FBXL17: variants seen among roughly 807,000 people sequenced by gnomAD.
FBXL17 encodes F-box/LRR-repeat protein 17.
FBXL17 carries 22 observed loss-of-function variants against 66.2 expected under a neutral mutation model. That is an observed-to-expected ratio of 0.33 (90% CI 0.24 to 0.47). The LOEUF (loss-of-function observed/expected upper bound fraction) is 0.47. Ranked by LOEUF, FBXL17 falls within the 20% of genes least tolerant of loss-of-function variation. The probability of loss-of-function intolerance (pLI) is 1.00; values close to 1 mark genes in which losing one functional copy is unlikely to be tolerated. For missense variants in FBXL17, 878 were observed against 948.2 expected (o/e 0.93, Z 0.97); for synonymous variants, 474 against 400.5 (o/e 1.18, Z -2.19).
intron 6 of FBXL17, among the ~76,000 whole-genome samples, chr5:108,037,844 C>A (rs897314007): frequency 3.9e-5 from 6 of 152,166 alleles, no homozygotes; most frequent in African/African-American, 1.4e-4. Context: ...TATCTCTAGA[C>A]ATTATGTGCC....
chr5:108,075,103 T>C (rs286792), intron 6 of FBXL17, among the ~76,000 whole-genome samples: 6,808 of 152,134 alleles, frequency 0.045, 523 homozygotes, highest in African/African-American at 0.15. Context: ...GCTGTGCATG[T>C]TTTTCACATG....
chr5:108,283,623 C>G (rs1757786362), intron 4 of FBXL17, among the ~76,000 whole-genome samples: 1 of 151,684 alleles, frequency 6.6e-6, no homozygotes, highest in Non-Finnish European at 1.5e-5. Context: ...TTGATCTAGG[C>G]AAAGAGTTTA....
chr5:108,077,870 G>C (rs1748615948), intron 6 of FBXL17, among the ~76,000 whole-genome samples: 1 of 152,002 alleles, frequency 6.6e-6, no homozygotes, highest in Non-Finnish European at 1.5e-5. Context: ...TTAAAACTGT[G>C]CTTTTCTTAA....
At chr5:108,081,674 G>A (rs1012954867) in intron 6 of FBXL17, among the ~76,000 whole-genome samples, 1 of 152,100 alleles carries the variant, frequency 6.6e-6, no homozygotes, top group Non-Finnish European at 1.5e-5. Context: ...AGTGAGCCGA[G>A]ATCGTGCCAC....
At chr5:107,953,980 T>A (rs1751582031) in intron 7 of FBXL17, among the ~76,000 whole-genome samples, 1 of 152,254 alleles carries the variant, frequency 6.6e-6, no homozygotes, top group African/African-American at 2.4e-5. Context: ...TAAATTGTTT[T>A]GTATTTCTCA....
chr5:108,039,963 T>C (rs1196206426), intron 6 of FBXL17, among the ~76,000 whole-genome samples: 3 of 152,120 alleles, frequency 2.0e-5, no homozygotes, highest in African/African-American at 7.2e-5. Context: ...ATAGTAAAAA[T>C]GTTGAAGCAC....
intron 7 of FBXL17, among the ~76,000 whole-genome samples, chr5:107,945,110 G>T (rs543240198): frequency 1.3e-5 from 2 of 152,004 alleles, no homozygotes; most frequent in African/African-American, 4.8e-5. Context: ...GATATGAATG[G>T]ACAATCTAAA....
chr5:107,885,962 T>G (rs1467831748), intron 7 of FBXL17, among the ~76,000 whole-genome samples: 3 of 149,780 alleles, frequency 2.0e-5, no homozygotes, highest in Non-Finnish European at 4.4e-5. Context: ...AAAAAAAATG[T>G]GTAAGAATCT....
chr5:108,276,843 T>A (rs1757501898), intron 4 of FBXL17, among the ~76,000 whole-genome samples: 1 of 152,116 alleles, frequency 6.6e-6, no homozygotes, highest in Non-Finnish European at 1.5e-5. Flanking sequence ...TAAAAAGCCT[T>A]CTCTACAATG....
At chr5:108,303,427 C>T (rs1758688699) in intron 4 of FBXL17, among the ~76,000 whole-genome samples, 1 of 150,874 alleles carries the variant, frequency 6.6e-6, no homozygotes, top group Non-Finnish European at 1.5e-5. Flanking sequence ...TACTTATTCC[C>T]CTTTTTCATA....
intron 6 of FBXL17, among the ~76,000 whole-genome samples, chr5:108,088,211 A>G (rs1053193337): frequency 6.6e-6 from 1 of 152,220 alleles, no homozygotes; most frequent in Non-Finnish European, 1.5e-5. Flanking sequence ...AATATATTTA[A>G]AGGTATAAAG....
intron 6 of FBXL17, among the ~76,000 whole-genome samples, chr5:108,043,838 T>A (rs369365002): frequency 2.0e-5 from 3 of 152,294 alleles, no homozygotes; most frequent in African/African-American, 7.2e-5. Context: ...TTCCAATCCA[T>A]CAGCAAAGTA....
intron 4 of FBXL17, among the ~76,000 whole-genome samples, chr5:108,310,085 A>G (rs1271373869): frequency 7.2e-5 from 11 of 152,156 alleles, no homozygotes; most frequent in Non-Finnish European, 1.2e-4. Flanking sequence ...CTGTACATTA[A>G]GAGCTTTCTT....
chr5:107,885,296 T>A (rs1748926372), intron 7 of FBXL17, among the ~76,000 whole-genome samples: 1 of 152,194 alleles, frequency 6.6e-6, no homozygotes, highest in South Asian at 2.1e-4. Context: ...TGATGAAGGG[T>A]ATACACTAAC....
chr5:108,241,649 C>A (rs1755860027), intron 4 of FBXL17, among the ~76,000 whole-genome samples: 1 of 152,002 alleles, frequency 6.6e-6, no homozygotes, highest in East Asian at 1.9e-4. Flanking sequence ...GATTATAGAA[C>A]ACCAAGCAGA....
intron 6 of FBXL17, among the ~76,000 whole-genome samples, chr5:108,177,457 A>G (rs1385171528): frequency 6.6e-6 from 1 of 152,198 alleles, no homozygotes; most frequent in Non-Finnish European, 1.5e-5. Context: ...AGAATGATCA[A>G]CCATGTCTGA....
chr5:108,028,906 T>G (rs1021827761), intron 6 of FBXL17, among the ~76,000 whole-genome samples: 1 of 152,002 alleles, frequency 6.6e-6, no homozygotes, highest in Non-Finnish European at 1.5e-5. Flanking sequence ...GTTTTAGTAA[T>G]ACGAAAAAAA....
intron 6 of FBXL17, among the ~76,000 whole-genome samples, chr5:108,109,783 A>G (rs966245019): frequency 6.6e-6 from 1 of 152,192 alleles, no homozygotes; most frequent in Non-Finnish European, 1.5e-5. Context: ...TAAACAATGT[A>G]TATCAATACA....
chr5:108,204,527 C>T (rs912472546), intron 5 of FBXL17, among the ~76,000 whole-genome samples: 3 of 152,240 alleles, frequency 2.0e-5, no homozygotes, highest in South Asian at 2.1e-4. Flanking sequence ...ATCATTTGTA[C>T]TGATTTGATA....
Sources: allele counts gnomAD v4.1 joint callset (sites outside exome capture counted in the v4.1 genomes callset), GRCh38; gene constraint gnomAD v4.1.1; transcripts MANE v1.5; gene names NCBI Gene and HGNC (gene_info 2026-07-23, HGNC 2026-07-21).